ITFG2: variants seen among roughly 807,000 people sequenced by gnomAD.
The protein encoded by ITFG2 is integrin alpha FG-GAP repeat containing 2.
Under a neutral mutation model 54.4 loss-of-function variants are expected in ITFG2, and 36 were observed. The observed-to-expected ratio is 0.66, with a 90% CI of 0.51 to 0.87. The LOEUF (loss-of-function observed/expected upper bound fraction) is 0.87. Ranked by LOEUF, ITFG2 falls within the 40% of genes least tolerant of loss-of-function variation. The probability of loss-of-function intolerance (pLI) is 0.00; values close to 1 mark genes in which losing one functional copy is unlikely to be tolerated. For synonymous variants in ITFG2, 211 were observed against 225.4 expected, an observed-to-expected ratio of 0.94 and a Z score of 0.57; for missense variants, 524 against 576.7, an observed-to-expected ratio of 0.91 and a Z score of 0.94.
chr12:2,849,512 A>T (rs766886471), intron 2 of ITFG2: 1 of 1,536,120 alleles, frequency 6.5e-7, no homozygotes, highest in South Asian at 1.2e-5. Context: ...CCACCAGCGG[A>T]TATGTGCCGG....
intron 1 of ITFG2, among the ~76,000 whole-genome samples, chr12:2,816,632 TTTTC>T (rs2097922622): frequency 7.8e-6 from 1 of 127,886 alleles, no homozygotes; most frequent in Non-Finnish European, 1.6e-5. Context: ...CCTGGCCTTT[TTTTC>T]TTTTTTTTTT....
At position 2,820,640 on chromosome 12, in the gene ITFG2, G is replaced by A. The variant is rs937742277; in HGVS notation, c.547-84G>A. The A allele has an allele frequency of 1.1e-3, 176 of 153,328 alleles. 1 individual carries two copies. The East Asian group carries it at 0.015, about 13-fold the overall frequency. The allele number at this position is 153,328 out of a possible 1,614,324, so 9.5% of individuals were successfully genotyped here. A position where few individuals can be genotyped will look rare whatever the true frequency, so the allele number is the denominator to read the frequency against. Reference sequence around the variant, plus strand: ...CTGCCCTGCCCCTGCCCCCGCCCCCGCCCACCCACCGCCCCCTGCCGTTCT... The same window carrying A: ...CTGCCCTGCCCCTGCCCCCGCCCCCACCCACCCACCGCCCCCTGCCGTTCT... On this transcript the variant is annotated intron_variant, in intron 5 of 11. Transcript: ENST00000228799.
chr12:2,816,765 C>T (rs2097923147), intron 1 of ITFG2, among the ~76,000 whole-genome samples: 1 of 151,864 alleles, frequency 6.6e-6, no homozygotes, highest in Non-Finnish European at 1.5e-5. Flanking sequence ...CCTCGGTGTC[C>T]CGAGTAGTTG....
upstream of ITFG2, among the ~76,000 whole-genome samples, chr12:2,833,984 T>C (rs1294820460): frequency 2.0e-5 from 3 of 152,154 alleles, no homozygotes; most frequent in African/African-American, 7.2e-5. Context: ...AATGCCTGAA[T>C]CTGCAGTTTT....
intron 2 of ITFG2, chr12:2,855,307 G>C: frequency 1.3e-6 from 2 of 1,532,034 alleles, no homozygotes; most frequent in Non-Finnish European, 1.7e-6. Context: ...CTTCATATCT[G>C]TGCAGGGCGG....
chr12:2,834,431 A>T (rs1393426847), upstream of ITFG2, among the ~76,000 whole-genome samples: 1 of 152,154 alleles, frequency 6.6e-6, no homozygotes, highest in Non-Finnish European at 1.5e-5. Context: ...AAGCCAAGCA[A>T]TGAGAGAATA....
chr12:2,818,265 A>G lies in ITFG2; in HGVS notation c.394A>G (p.Ile132Val). 1 of 1,613,154 alleles carries G rather than the reference A, an allele frequency of 6.2e-7. No individual in the cohort carries two copies. Among genetic ancestry groups the G allele is most frequent in the Non-Finnish European group, 8.5e-7 (1 of 1,180,040 alleles). ...HIPANTKVML[I>V]SDIDGDGCRE... ...CCCTGCCAACACCAAGGTCATGCTG[A>G]TCAGCGACATCGGTGGGCATGCCTA... is the stretch of plus-strand genomic sequence containing the variant. The change falls in exon 4 of 12, where the codon ATC becomes GTC. Residue 132 changes from isoleucine to valine, a missense_variant. Transcript: ENST00000228799.
At chr12:2,812,893 T>C in intron 1 of ITFG2, 37 bp downstream of exon 1, 2 of 1,558,860 alleles carry the variant, frequency 1.3e-6, no homozygotes, top group South Asian at 2.2e-5. Flanking sequence ...AGCCTGGATC[T>C]GTGCAGGGAC....
At chr12:2,820,652 C>T (rs1409989564) in intron 5 of ITFG2, 72 bp from the exon 6 acceptor site, 3 of 867,298 alleles carry the variant, frequency 3.5e-6, no homozygotes, top group African/African-American at 1.7e-5. Flanking sequence ...CCACCCACCG[C>T]CCCCTGCCGT....
exon 3 of ITFG2, chr12:2,830,835 C>G (rs1456072196): frequency 6.2e-7 from 1 of 1,613,524 alleles, no homozygotes; most frequent in Non-Finnish European, 8.5e-7. Context: ...CTCCACCAGG[C>G]GTCTTTGGAT....
At chr12:2,855,561 A>C (rs2098084680) in intron 2 of ITFG2, 253 of 800,114 alleles carry the variant, frequency 3.2e-4, no homozygotes, top group East Asian at 6.0e-4. Flanking sequence ...CAGGATTCTC[A>C]TGAGGACGCA....
At chr12:2,839,644 A>T (rs1206689874) in intron 1 of ITFG2, among the ~76,000 whole-genome samples, 1 of 152,130 alleles carries the variant, frequency 6.6e-6, no homozygotes. Flanking sequence ...TACAGTGGAG[A>T]GCCAGATGAG....
At chr12:2,854,187 G>A (rs1042382419) in intron 2 of ITFG2, among the ~76,000 whole-genome samples, 3 of 151,868 alleles carry the variant, frequency 2.0e-5, no homozygotes, top group South Asian at 2.1e-4. Context: ...CACCACACCC[G>A]GCTAATTTTG....
intron 2 of ITFG2, among the ~76,000 whole-genome samples, chr12:2,844,126 C>CA (rs1481346907): frequency 6.7e-6 from 1 of 149,946 alleles, no homozygotes; most frequent in African/African-American, 2.5e-5. Flanking sequence ...GGCATGGTGG[C>CA]ACACGCTTGT....
At chr12:2,837,294 A>G (rs2098030542) in intron 1 of ITFG2, among the ~76,000 whole-genome samples, 1 of 151,714 alleles carries the variant, frequency 6.6e-6, no homozygotes, top group Non-Finnish European at 1.5e-5. Flanking sequence ...TGGCTAACAC[A>G]GTGAAACCCC....
chr12:2,826,023 C>CA (rs1258826921), downstream of ITFG2: 1 of 152,270 alleles, frequency 6.6e-6, no homozygotes, highest in Non-Finnish European at 1.5e-5. Context: ...CTCAGCCTCC[C>CA]AAAGTGCTGG....
rs553944310 is a variant in ITFG2 at position 2,816,176 on chromosome 12, G to A, written c.97-1047G>A. Among the ~76,000 whole-genome samples the A allele has an allele frequency of 2.9e-4, 44 of 151,670 alleles. No individual in the cohort carries two copies. In the South Asian group the frequency reaches 8.8e-3, roughly 30 times the overall value. On this transcript the variant is annotated intron_variant, in intron 1 of 11. Coordinates refer to ENST00000228799, the MANE Select transcript of ITFG2 (RefSeq NM_018463.4). ...CTCCCGAGTAGCTGGGATTACAGGT[G>A]TGTACCACCACGCTCAGCTAATTTT...
chr12:2,819,308 CA>C lies in ITFG2; in HGVS notation c.407-768del, dbSNP rs1293577024. 9.4e-5 allele frequency among the ~76,000 whole-genome samples: 14 copies of C among 148,556 alleles called. No individual in the cohort carries two copies. In the East Asian group the frequency reaches 2.0e-3, roughly 21 times the overall value. On this transcript the variant is annotated intron_variant, in intron 4 of 11. Transcript: ENST00000228799. ...TGAAACCCCGTCTCTACTAAAAATA[CA>C]AAAAAAAAATTAACCGGGCATGGTG...
chr12:2,835,078 G>A (rs932919745), upstream of ITFG2: 11 of 1,439,772 alleles, frequency 7.6e-6, no homozygotes, highest in Non-Finnish European at 1.0e-5. Flanking sequence ...GAGAGGGAGG[G>A]TTGGCAGGGC....
Sources: allele counts gnomAD v4.1 joint callset (sites outside exome capture counted in the v4.1 genomes callset), GRCh38; gene constraint gnomAD v4.1.1; transcripts MANE v1.5; gene names NCBI Gene and HGNC (gene_info 2026-07-23, HGNC 2026-07-21).